Variants in SCLT1 observed in about 807,000 individuals in gnomAD.
The protein encoded by SCLT1 is sodium channel and clathrin linker 1.
In SCLT1, 78 loss-of-function variants were observed where a neutral mutation model predicts 112.8. The ratio of observed to expected loss-of-function variants is 0.69; its 90% CI spans 0.58 to 0.83. The LOEUF is 0.83. SCLT1 is among the 40% of genes least tolerant of loss of function. SCLT1 has a pLI of 0.00. For synonymous variants in SCLT1, 257 were observed against 254.7 expected (o/e 1.01, Z -0.09); for missense variants, 747 against 770.4 (o/e 0.97, Z 0.36).
At chr4:128,893,541 T>C (rs1363139382) in intron 18 of SCLT1, among the ~76,000 whole-genome samples, 1 of 148,716 alleles carries the variant, frequency 6.7e-6, no homozygotes, top group Middle Eastern at 3.2e-3. Context: ...GACTAATATA[T>C]AAAATCTCCA....
intron 5 of SCLT1, among the ~76,000 whole-genome samples, chr4:129,027,864 T>C (rs929505586): frequency 6.6e-6 from 1 of 152,168 alleles, no homozygotes; most frequent in Non-Finnish European, 1.5e-5. Context: ...AAATCACAAG[T>C]ATTCTTATAC....
intron 18 of SCLT1, among the ~76,000 whole-genome samples, chr4:128,915,154 C>T (rs1014970053): frequency 6.6e-6 from 1 of 152,124 alleles, no homozygotes; most frequent in Non-Finnish European, 1.5e-5. Flanking sequence ...TTATGCTTAA[C>T]CAAATAGTTA....
At chr4:129,029,327 C>G (rs1746467891) in intron 5 of SCLT1, among the ~76,000 whole-genome samples, 2 of 152,050 alleles carry the variant, frequency 1.3e-5, no homozygotes, top group Admixed American at 1.3e-4. Context: ...CACATATACA[C>G]CATGGAATAC....
At chr4:128,959,385 CTG>C (rs1462802021) in intron 12 of SCLT1, among the ~76,000 whole-genome samples, 1 of 151,536 alleles carries the variant, frequency 6.6e-6, no homozygotes, top group African/African-American at 2.4e-5. Flanking sequence ...ATAAGAAAGT[CTG>C]ATATTTATAC....
intron 10 of SCLT1, among the ~76,000 whole-genome samples, chr4:128,967,950 C>T (rs1392305320): frequency 6.6e-6 from 1 of 152,178 alleles, no homozygotes; most frequent in Non-Finnish European, 1.5e-5. Flanking sequence ...AGTGTTTCCA[C>T]AGTTTCTTGA....
At chr4:128,928,071 A>G (rs751462738) in intron 18 of SCLT1, among the ~76,000 whole-genome samples, 1 of 152,114 alleles carries the variant, frequency 6.6e-6, no homozygotes, top group Non-Finnish European at 1.5e-5. Flanking sequence ...GAAGAATTCT[A>G]TCACTGTTCA....
intron 5 of SCLT1, among the ~76,000 whole-genome samples, chr4:129,015,977 T>A (rs1398523650): frequency 6.6e-6 from 1 of 152,206 alleles, no homozygotes; most frequent in Admixed American, 6.5e-5. Context: ...TCTCTCTGCT[T>A]CTTACTGATA....
chr4:128,952,242 C>T (rs1738820671), intron 14 of SCLT1: 1 of 425,862 alleles, frequency 2.3e-6, no homozygotes, highest in Non-Finnish European at 4.7e-6. Context: ...TAAACATTTT[C>T]TCAATTCTTG....
In SCLT1 at chr4:128,943,032, C is replaced by T. The variant is rs148288466; in HGVS notation, c.1596G>A (p.Lys532=). ...CTTTTTTTTGAGCCTCCAGGGCAATCTTCCTTAAACTCTCAGTCTCTTTCC... is the reference window on the plus strand; with the variant it reads ...CTTTTTTTTGAGCCTCCAGGGCAATTTTCCTTAAACTCTCAGTCTCTTTCC... ...QLRKETESLR[K]IALEAQKKAK... Residue 532 remains lysine, a synonymous_variant, in exon 17 of 21, where the codon AAG becomes AAA. Transcript: ENST00000281142. 1.4e-4 allele frequency: 228 copies of T among 1,611,896 alleles called. 1 individual carries two copies. The highest frequency in any genetic ancestry group is 1.0e-4 in the Admixed American group (6 of 59,716).
At chr4:129,004,679 T>C (rs927129707) in intron 5 of SCLT1, among the ~76,000 whole-genome samples, 1 of 151,918 alleles carries the variant, frequency 6.6e-6, no homozygotes, top group African/African-American at 2.4e-5. Context: ...ACTACATCCA[T>C]CTACCTAAAA....
intron 9 of SCLT1, among the ~76,000 whole-genome samples, chr4:128,977,377 A>T (rs916826807): frequency 6.6e-6 from 1 of 152,184 alleles, no homozygotes; most frequent in Non-Finnish European, 1.5e-5. Context: ...TTGAGCACCT[A>T]CATGCACCAT....
At chr4:129,060,037 A>AT (rs1049780984) in intron 2 of SCLT1, among the ~76,000 whole-genome samples, 4 of 151,866 alleles carry the variant, frequency 2.6e-5, no homozygotes, top group East Asian at 1.9e-4. Flanking sequence ...TGTTATATTT[A>AT]TTTTTTTCTG....
chr4:129,015,504 A>G (rs1002118989), intron 5 of SCLT1, among the ~76,000 whole-genome samples: 1 of 152,144 alleles, frequency 6.6e-6, no homozygotes, highest in African/African-American at 2.4e-5. Flanking sequence ...TGCAGAGTTC[A>G]GGATGAACAG....
chr4:128,980,874 A>T (rs945400891), intron 9 of SCLT1, among the ~76,000 whole-genome samples: 5 of 152,198 alleles, frequency 3.3e-5, no homozygotes, highest in Non-Finnish European at 7.4e-5. Context: ...ATAATTTTTT[A>T]AAATAATGAC....
chr4:129,068,690 T>C (rs1024162363), intron 2 of SCLT1, among the ~76,000 whole-genome samples: 3 of 152,340 alleles, frequency 2.0e-5, no homozygotes, highest in East Asian at 1.9e-4. Flanking sequence ...GTCAGATGCA[T>C]AGATTGTGAA....
At chr4:129,032,566 G>A (rs1244548961) in intron 5 of SCLT1, among the ~76,000 whole-genome samples, 2 of 151,878 alleles carry the variant, frequency 1.3e-5, no homozygotes, top group Admixed American at 6.6e-5. Flanking sequence ...TACAGAATGG[G>A]AGAAAATTTT....
In SCLT1 at chr4:129,044,048, C is replaced by T. The variant is rs1488402506; in HGVS notation, c.106G>A (p.Ala36Thr). The change falls in exon 3 of 21, where the codon GCT (alanine) becomes ACT (threonine). Residue 36 changes from alanine (A) to threonine (T), a missense_variant. Ala to Thr is a moderately conservative substitution (Grantham distance 58, BLOSUM62 0). Around this residue, in one of 2 missense-constraint regions of SCLT1, gnomAD observed 723 missense variants for 721.3 expected, o/e 1.00. Coordinates refer to ENST00000281142, the MANE Select transcript of SCLT1 (RefSeq NM_144643.4). ...SFSKYSSVQKAVCQGEGDDTF... is the reference protein window; with the variant it reads ...SFSKYSSVQKTVCQGEGDDTF... ...TCGTCTCCTTCTCCTTGGCAGACAG[C>T]TTTCTATAAAAGAATGTACATCTTA... is the stretch of plus-strand genomic sequence containing the variant. 3 of 1,553,646 alleles carry T rather than the reference C, an allele frequency of 1.9e-6. No homozygotes were observed. The highest frequency in any genetic ancestry group is 2.7e-6 in the Non-Finnish European group (3 of 1,131,878).
intron 1 of SCLT1, among the ~76,000 whole-genome samples, chr4:129,091,234 A>C (rs1466299098): frequency 6.6e-6 from 1 of 152,096 alleles, no homozygotes; most frequent in African/African-American, 2.4e-5. Flanking sequence ...CTCTTCATGC[A>C]AACGCTACCA....
At chr4:128,927,242 G>T (rs906906150) in intron 18 of SCLT1, among the ~76,000 whole-genome samples, 4 of 151,876 alleles carry the variant, frequency 2.6e-5, no homozygotes, top group African/African-American at 9.7e-5. Flanking sequence ...ATATGAAAAT[G>T]TACTTATACA....
Sources: gnomAD v4.1 joint callset for allele counts (sites outside exome capture counted in the v4.1 genomes callset) on GRCh38, gnomAD v4.1.1 for gene constraint, gnomAD v4.1.1 regional missense constraint, MANE v1.5 for transcripts, NCBI Gene and HGNC (gene_info 2026-07-23, HGNC 2026-07-21) for gene names.